FBXO36: variants seen among roughly 807,000 people sequenced by gnomAD.
FBXO36 encodes F-box only protein 36.
A neutral mutation model predicts 17.0 loss-of-function variants in FBXO36; 18 were observed. The ratio of observed to expected loss-of-function variants is 1.06; its 90% CI spans 0.73 to 1.57. The LOEUF is 1.57. Ranked by LOEUF, FBXO36 falls within the 40% of genes most tolerant of loss-of-function variation. The pLI is 0.00. For synonymous variants in FBXO36, 83 were observed against 85.3 expected (o/e 0.97, Z 0.15); for missense variants, 229 against 221.9 (o/e 1.03, Z -0.20).
At chr2:229,933,528 T>C (rs116832753) in intron 1 of FBXO36, among the ~76,000 whole-genome samples, 1,740 of 152,248 alleles carry the variant, frequency 0.011, 20 homozygotes, top group Non-Finnish European at 0.019. Context: ...GAGAACCAGA[T>C]GTATGTAACA....
intron 2 of FBXO36, among the ~76,000 whole-genome samples, chr2:229,986,203 T>C (rs973753579): frequency 6.6e-6 from 1 of 152,168 alleles, no homozygotes; most frequent in African/African-American, 2.4e-5. Flanking sequence ...ATATGTTATA[T>C]ATTAACACAA....
At chr2:230,002,761 G>A (rs2077366644) in intron 3 of FBXO36, among the ~76,000 whole-genome samples, 1 of 152,124 alleles carries the variant, frequency 6.6e-6, no homozygotes, top group South Asian at 2.1e-4. Flanking sequence ...TTCAAAAATG[G>A]TTTACATAGC....
chr2:229,927,111 T>C (rs560056485), intron 1 of FBXO36, among the ~76,000 whole-genome samples: 10 of 152,310 alleles, frequency 6.6e-5, no homozygotes, highest in African/African-American at 2.4e-4. Flanking sequence ...CTGCCCGCCT[T>C]GGCCTCCCAA....
At chr2:229,935,697 T>C (rs1033759925) in intron 1 of FBXO36, among the ~76,000 whole-genome samples, 10 of 152,174 alleles carry the variant, frequency 6.6e-5, no homozygotes, top group African/African-American at 2.2e-4. Context: ...GTGGATCTTT[T>C]GGATCCTTGG....
At position 230,011,083 on chromosome 2, in the gene FBXO36, G is replaced by T; in HGVS notation, c.*199G>T. 1 of 555,118 alleles carries T rather than the reference G, an allele frequency of 1.8e-6. No individual in the cohort carries two copies. Among genetic ancestry groups the T allele is most frequent in the Non-Finnish European group, 3.1e-6 (1 of 320,734 alleles). The allele number at this position is 555,118 out of a possible 1,614,324, so 34.4% of individuals were successfully genotyped here. A position where few individuals can be genotyped will look rare whatever the true frequency, so the allele number is the denominator to read the frequency against. Reference sequence around the variant, plus strand: ...TTGCTAGAGTCACCGTCATTCTGAGGTCAAATCATGGCCCGAGGACAAGGG... The same window carrying T: ...TTGCTAGAGTCACCGTCATTCTGAGTTCAAATCATGGCCCGAGGACAAGGG... On this transcript the variant is annotated 3_prime_UTR_variant, in exon 4 of 4. Transcript: ENST00000283946.
At chr2:229,970,459 A>G (rs960927977) in intron 1 of FBXO36, among the ~76,000 whole-genome samples, 2 of 152,208 alleles carry the variant, frequency 1.3e-5, no homozygotes, top group Non-Finnish European at 2.9e-5. Context: ...GAAGCTAGAG[A>G]AGAGTGCACT....
At chr2:229,940,871 G>A (rs2076994476) in intron 1 of FBXO36, among the ~76,000 whole-genome samples, 1 of 152,152 alleles carries the variant, frequency 6.6e-6, no homozygotes, top group African/African-American at 2.4e-5. Flanking sequence ...CACCCCATTT[G>A]TGGTCCTTTG....
intron 2 of FBXO36, among the ~76,000 whole-genome samples, chr2:229,979,427 T>C (rs143036344): frequency 6.6e-6 from 1 of 152,042 alleles, no homozygotes; most frequent in Non-Finnish European, 1.5e-5. Flanking sequence ...TGATAGTTTG[T>C]TGTTGTTTTT....
At chr2:229,941,441 C>G (rs1383990121) in intron 1 of FBXO36, among the ~76,000 whole-genome samples, 1 of 151,674 alleles carries the variant, frequency 6.6e-6, no homozygotes, top group Non-Finnish European at 1.5e-5. Flanking sequence ...GGCAACAGAG[C>G]GAGACTCCGT....
At chr2:229,966,342 T>A (rs1168145188) in intron 1 of FBXO36, among the ~76,000 whole-genome samples, 1 of 152,228 alleles carries the variant, frequency 6.6e-6, no homozygotes, top group African/African-American at 2.4e-5. Context: ...CTGTTCACTC[T>A]GATGGTAGTT....
At chr2:229,961,533 G>A (rs1168636330) in intron 1 of FBXO36, among the ~76,000 whole-genome samples, 2 of 152,070 alleles carry the variant, frequency 1.3e-5, no homozygotes, top group Middle Eastern at 3.4e-3. Context: ...ATGCCACCAC[G>A]CCCAGCTAAT....
In FBXO36 at chr2:230,011,866, A is replaced by G. The variant is rs1272954575; in HGVS notation, c.*982A>G. 6.6e-6 allele frequency: 1 copy of G among 152,206 alleles called. No individual in the cohort carries two copies. The highest frequency in any genetic ancestry group is 1.5e-5 in the Non-Finnish European group (1 of 68,040). 9.4% of individuals were successfully genotyped at this position (152,206 alleles called of 1,614,324 possible). A position where few individuals can be genotyped will look rare whatever the true frequency, so the allele number is the denominator to read the frequency against. On this transcript the variant is annotated 3_prime_UTR_variant, in exon 4 of 4. Transcript: ENST00000283946. ...GAGTTAACTAAGTAAAAATGTAAAT[A>G]TGGTTTGCATGCTGTTAACATGGCA...
chr2:230,004,144 T>G (rs978523127), intron 3 of FBXO36, among the ~76,000 whole-genome samples: 1 of 152,208 alleles, frequency 6.6e-6, no homozygotes, highest in Non-Finnish European at 1.5e-5. Flanking sequence ...TTGCCTTTGC[T>G]TAACACTGCT....
At chr2:229,974,794 GGCCTGTGTT>G (rs2077198946) in intron 1 of FBXO36, among the ~76,000 whole-genome samples, 1 of 152,130 alleles carries the variant, frequency 6.6e-6, no homozygotes, top group African/African-American at 2.4e-5. Context: ...AGATTGCCCA[GGCCTGTGTT>G]GCTGTAAAAT....
intron 3 of FBXO36, among the ~76,000 whole-genome samples, chr2:230,001,094 A>G (rs2077356131): frequency 6.6e-6 from 1 of 151,652 alleles, no homozygotes; most frequent in Admixed American, 6.6e-5. Context: ...CCTGGCCTCA[A>G]GTGATCCACC....
At chr2:229,984,374 T>C (rs745689792) in intron 2 of FBXO36, among the ~76,000 whole-genome samples, 1 of 151,014 alleles carries the variant, frequency 6.6e-6, no homozygotes, top group Non-Finnish European at 1.5e-5. Context: ...ATCAAATCAA[T>C]TACATCTTTA....
intron 1 of FBXO36, among the ~76,000 whole-genome samples, chr2:229,943,932 CTGT>C (rs1018972174): frequency 6.6e-6 from 1 of 152,092 alleles, no homozygotes; most frequent in African/African-American, 2.4e-5. Flanking sequence ...TTCCCTCTTG[CTGT>C]TGTTGTGATA....
chr2:229,932,816 T>A (rs2076945793), intron 1 of FBXO36: 1 of 236,802 alleles, frequency 4.2e-6, no homozygotes, highest in Non-Finnish European at 8.9e-6. Flanking sequence ...ACGCCTGTAA[T>A]CCCAGCACTT....
chr2:229,995,226 G>A (rs1289745315), intron 2 of FBXO36, among the ~76,000 whole-genome samples: 3 of 151,996 alleles, frequency 2.0e-5, no homozygotes, highest in African/African-American at 7.3e-5. Flanking sequence ...GAAAATAAAA[G>A]TCACCACATT....
Sources: allele counts gnomAD v4.1 joint callset (sites outside exome capture counted in the v4.1 genomes callset), GRCh38; gene constraint gnomAD v4.1.1; transcripts MANE v1.5; gene names NCBI Gene and HGNC (gene_info 2026-07-23, HGNC 2026-07-21).